NAALADL2: variants seen among roughly 807,000 people sequenced by gnomAD.
NAALADL2 encodes inactive N-acetylated-alpha-linked acidic dipeptidase-like protein 2.
In NAALADL2, 76 loss-of-function variants were observed where a neutral mutation model predicts 87.2. That is an observed-to-expected ratio of 0.87 (90% CI 0.72 to 1.05). NAALADL2 has a LOEUF of 1.05. Ranked by LOEUF, NAALADL2 falls within the 50% of genes least tolerant of loss-of-function variation. The pLI, the probability that NAALADL2 is intolerant of heterozygous loss-of-function variation, is 0.00. For missense variants in NAALADL2, 1,089 were observed against 945.8 expected, an observed-to-expected ratio of 1.15 and a Z score of -1.99; for synonymous variants, 354 against 331.0, an observed-to-expected ratio of 1.07 and a Z score of -0.75.
intron 9 of NAALADL2, among the ~76,000 whole-genome samples, chr3:175,520,388 T>TC (rs1461389784): frequency 6.9e-6 from 1 of 144,424 alleles, no homozygotes; most frequent in Non-Finnish European, 1.5e-5. Context: ...AAGCTCCGCT[T>TC]CCCGGGTTCA....
chr3:175,410,285 T>G (rs1713243740), intron 5 of NAALADL2, among the ~76,000 whole-genome samples: 1 of 146,948 alleles, frequency 6.8e-6, no homozygotes, highest in Non-Finnish European at 1.5e-5. Context: ...TTTGAAACTA[T>G]GTACATACAC....
chr3:174,816,502 T>C (rs1022727999), intron 3 of NAALADL2, among the ~76,000 whole-genome samples: 2 of 131,160 alleles, frequency 1.5e-5, no homozygotes, highest in South Asian at 4.3e-4. Context: ...TATACATTAT[T>C]TTATACATTT....
At chr3:175,500,915 G>C in intron 9 of NAALADL2, among the ~76,000 whole-genome samples, 1 of 152,090 alleles carries the variant, frequency 6.6e-6, no homozygotes, top group East Asian at 1.9e-4. Context: ...GAGTGGCTTT[G>C]AATGACAAGC....
At chr3:174,702,427 A>G (rs1449209475) in intron 2 of NAALADL2, among the ~76,000 whole-genome samples, 2 of 152,202 alleles carry the variant, frequency 1.3e-5, no homozygotes, top group African/African-American at 4.8e-5. Flanking sequence ...GGATACATTG[A>G]AGAGTGAGAC....
intron 1 of NAALADL2, among the ~76,000 whole-genome samples, chr3:174,539,933 A>G (rs1010664244): frequency 7.1e-6 from 1 of 140,664 alleles, no homozygotes. Context: ...TGTTGTCCAC[A>G]GGGTAATTGT....
chr3:175,501,994 A>C (rs1428122730), intron 9 of NAALADL2, among the ~76,000 whole-genome samples: 1 of 152,134 alleles, frequency 6.6e-6, no homozygotes, highest in Non-Finnish European at 1.5e-5. Context: ...TAGTAAGATC[A>C]AAAAGGGCTG....
rs747029574 is a variant in NAALADL2 at position 175,471,679 on chromosome 3, T to C, written c.1574T>C (p.Ile525Thr). The C allele has an allele frequency of 1.3e-6, 2 of 1,569,558 alleles. No homozygotes were observed. Among genetic ancestry groups the C allele is most frequent in the Non-Finnish European group, 1.8e-6 (2 of 1,142,474 alleles). Reference protein sequence around the residue: ...KVLQKNVVAYISLHSPIRGNS... With the variant: ...KVLQKNVVAYTSLHSPIRGNS... ...CTTCAGAAAAATGTTGTGGCTTATA[T>C]TAGCCTCCACAGTCCCATAAGGGGG... Residue 525 changes from isoleucine to threonine, a missense_variant, in exon 9 of 14, where the codon ATT (isoleucine) becomes ACT (threonine). Coordinates refer to ENST00000454872, the MANE Select transcript of NAALADL2 (RefSeq NM_207015.3).
intron 2 of NAALADL2, among the ~76,000 whole-genome samples, chr3:174,679,735 T>C (rs528603357): frequency 6.6e-6 from 1 of 152,320 alleles, no homozygotes; most frequent in South Asian, 2.1e-4. Context: ...AAATAGCTGC[T>C]GTATTAAGGA....
At chr3:175,076,107 A>C (rs1446238914) in intron 1 of NAALADL2, among the ~76,000 whole-genome samples, 1 of 152,110 alleles carries the variant, frequency 6.6e-6, no homozygotes, top group Admixed American at 6.6e-5. Flanking sequence ...GCAAGCCTGT[A>C]ATCCCAGCTA....
intron 1 of NAALADL2, among the ~76,000 whole-genome samples, chr3:174,451,839 G>T: frequency 7.0e-6 from 1 of 142,072 alleles, no homozygotes; most frequent in Non-Finnish European, 1.5e-5. Context: ...TAAGGATAGT[G>T]GGAGTTTTTT....
intron 2 of NAALADL2, among the ~76,000 whole-genome samples, chr3:174,679,794 A>C (rs663478): frequency 0.74 from 112,342 of 152,130 alleles, 41,849 homozygotes; most frequent in East Asian, 0.9. Flanking sequence ...GCAAAATATT[A>C]ATTTACAATA....
intron 3 of NAALADL2, among the ~76,000 whole-genome samples, chr3:174,786,528 T>A (rs1264560134): frequency 2.0e-5 from 3 of 151,658 alleles, no homozygotes; most frequent in African/African-American, 7.3e-5. Flanking sequence ...TATTTTTGGG[T>A]AGAGAGGATG....
At chr3:175,122,507 A>G (rs1726306108) in intron 2 of NAALADL2, among the ~76,000 whole-genome samples, 1 of 151,908 alleles carries the variant, frequency 6.6e-6, no homozygotes, top group South Asian at 2.1e-4. Context: ...AGGGACTTCA[A>G]GAAGATAACT....
chr3:174,786,188 C>T lies in NAALADL2; in HGVS notation c.-9+48442C>T, dbSNP rs142785284. 5.4e-3 allele frequency among the ~76,000 whole-genome samples: 818 copies of T among 152,202 alleles called. 2 individuals are homozygous for T. The highest frequency in any genetic ancestry group is 9.8e-3 in the Non-Finnish European group (665 of 68,016). On this transcript the variant is annotated intron_variant, in intron 3 of 3. Transcript: ENST00000434257. The stretch of plus-strand genomic sequence containing the variant: ...AAAATTGGCCAGGCATGGTGACTCA[C>T]GCCTGTAATCACAGCACTTTGGTAG...
At chr3:174,549,589 A>C (rs1286875298) in intron 1 of NAALADL2, among the ~76,000 whole-genome samples, 1 of 152,366 alleles carries the variant, frequency 6.6e-6, no homozygotes, top group East Asian at 1.9e-4. Context: ...ACAATCTAGG[A>C]GGAACATGGG....
intron 3 of NAALADL2, among the ~76,000 whole-genome samples, chr3:175,249,204 TTC>T (rs1748560611): frequency 6.6e-6 from 1 of 152,166 alleles, no homozygotes; most frequent in Non-Finnish European, 1.5e-5. Context: ...CACTTTTTGT[TTC>T]TTGGCATTAT....
intron 1 of NAALADL2, among the ~76,000 whole-genome samples, chr3:174,503,970 G>A (rs1719054310): frequency 6.6e-6 from 1 of 151,960 alleles, no homozygotes; most frequent in Non-Finnish European, 1.5e-5. Flanking sequence ...TAGAGGCCCA[G>A]CTTCACCTGG....
intron 9 of NAALADL2, among the ~76,000 whole-genome samples, chr3:175,503,939 C>T (rs1729910475): frequency 6.6e-6 from 1 of 151,980 alleles, no homozygotes; most frequent in South Asian, 2.1e-4. Flanking sequence ...TTTAATTAGG[C>T]CCTGCTTGTT....
chr3:174,758,893 T>C (rs1712497991), intron 3 of NAALADL2, among the ~76,000 whole-genome samples: 1 of 152,210 alleles, frequency 6.6e-6, no homozygotes, highest in South Asian at 2.1e-4. Flanking sequence ...ACAGTGAGAT[T>C]AATTCTTTCC....
Sources: gnomAD v4.1 joint callset for allele counts (sites outside exome capture counted in the v4.1 genomes callset) on GRCh38, gnomAD v4.1.1 for gene constraint, MANE v1.5 for transcripts, NCBI Gene and HGNC (gene_info 2026-07-23, HGNC 2026-07-21) for gene names.